ROBO2: variants seen among roughly 807,000 people sequenced by gnomAD.
The protein encoded by ROBO2 is roundabout guidance receptor 2, also known as roundabout homolog 2.
ROBO2 carries 53 observed loss-of-function variants against 160.8 expected under a neutral mutation model. The observed-to-expected ratio is 0.33, with a 90% CI of 0.26 to 0.41. The LOEUF (loss-of-function observed/expected upper bound fraction) is 0.41. Ranked by LOEUF, ROBO2 falls within the 10% of genes least tolerant of loss-of-function variation. The probability of loss-of-function intolerance (pLI) is 1.00; values close to 1 mark genes in which losing one functional copy is unlikely to be tolerated. For missense variants in ROBO2, 1,577 were observed against 1,722.4 expected (o/e 0.92, Z 1.49); for synonymous variants, 664 against 611.7 (o/e 1.09, Z -1.26).
At chr3:76,756,910 G>C (rs919841670) in intron 2 of ROBO2, among the ~76,000 whole-genome samples, 1 of 151,816 alleles carries the variant, frequency 6.6e-6, no homozygotes, top group African/African-American at 2.4e-5. Flanking sequence ...ACATTGAAAT[G>C]TGGAGAAAGA....
At chr3:77,329,154 T>G (rs2065740176) in intron 2 of ROBO2, among the ~76,000 whole-genome samples, 1 of 152,198 alleles carries the variant, frequency 6.6e-6, no homozygotes, top group Admixed American at 6.5e-5. Flanking sequence ...GATGTAGTCT[T>G]TCTTTTGTGG....
intron 2 of ROBO2, among the ~76,000 whole-genome samples, chr3:76,802,243 G>C (rs1162115185): frequency 6.6e-6 from 1 of 152,204 alleles, no homozygotes; most frequent in Non-Finnish European, 1.5e-5. Context: ...TATAAAAAAA[G>C]TGCAATATCT....
At chr3:76,140,179 C>G (rs551862712) in intron 2 of ROBO2, among the ~76,000 whole-genome samples, 4 of 152,096 alleles carry the variant, frequency 2.6e-5, no homozygotes, top group East Asian at 1.9e-4. Flanking sequence ...TTTGAAGAAC[C>G]TACATGAAAG....
At chr3:75,997,976 A>T (rs915962930) in intron 2 of ROBO2, among the ~76,000 whole-genome samples, 1 of 152,188 alleles carries the variant, frequency 6.6e-6, no homozygotes, top group African/African-American at 2.4e-5. Flanking sequence ...CCAAAGTCTT[A>T]TGACATCTAA....
chr3:76,183,244 A>G lies in ROBO2; in HGVS notation c.109+245642A>G, dbSNP rs369867200. On this transcript the variant is annotated intron_variant, in intron 2 of 26. Coordinates refer to the ROBO2 transcript ENST00000487694. Reference sequence around the variant, plus strand: ...ACATGGCAGCTCAGAGGTCCTGGAGACAGCAATTCAAGTAACCTAGCAGAA... The same window carrying G: ...ACATGGCAGCTCAGAGGTCCTGGAGGCAGCAATTCAAGTAACCTAGCAGAA... 8.5e-5 allele frequency among the ~76,000 whole-genome samples: 13 copies of G among 152,052 alleles called. No individual in the cohort carries two copies. In the East Asian group the frequency reaches 2.5e-3, roughly 30 times the overall value.
chr3:76,825,349 C>T (rs2066473362), intron 2 of ROBO2, among the ~76,000 whole-genome samples: 1 of 151,994 alleles, frequency 6.6e-6, no homozygotes, highest in Non-Finnish European at 1.5e-5. Flanking sequence ...AATAAGTTTC[C>T]TCATTTTAAA....
chr3:76,314,866 CAG>C (rs1273424814), intron 2 of ROBO2, among the ~76,000 whole-genome samples: 1 of 152,024 alleles, frequency 6.6e-6, no homozygotes, highest in Non-Finnish European at 1.5e-5. Flanking sequence ...TTGACTGGCA[CAG>C]GGGTCAGTGG....
At chr3:76,142,293 T>G (rs1259597342) in intron 2 of ROBO2, among the ~76,000 whole-genome samples, 1 of 152,020 alleles carries the variant, frequency 6.6e-6, no homozygotes, top group Non-Finnish European at 1.5e-5. Flanking sequence ...AGCTATCATA[T>G]GATCCAGCAA....
intron 2 of ROBO2, among the ~76,000 whole-genome samples, chr3:76,696,925 A>C (rs1370519577): frequency 6.6e-6 from 1 of 152,148 alleles, no homozygotes; most frequent in Non-Finnish European, 1.5e-5. Context: ...TTCTGTTTGC[A>C]TGTGGAAATC....
intron 2 of ROBO2, among the ~76,000 whole-genome samples, chr3:75,978,792 G>A (rs748392868): frequency 4.0e-5 from 6 of 151,494 alleles, no homozygotes; most frequent in Admixed American, 1.3e-4. Flanking sequence ...TCTCTTTAAA[G>A]TGAGGTTTTG....
chr3:76,650,483 T>C (rs971974942), intron 2 of ROBO2, among the ~76,000 whole-genome samples: 1 of 149,364 alleles, frequency 6.7e-6, no homozygotes, highest in Admixed American at 6.7e-5. Flanking sequence ...TTCTTTCTCT[T>C]TTTTTTTTTA....
chr3:77,253,729 T>C (rs1365733606), intron 2 of ROBO2, among the ~76,000 whole-genome samples: 1 of 152,168 alleles, frequency 6.6e-6, no homozygotes, highest in Non-Finnish European at 1.5e-5. Flanking sequence ...GTTCTAAATA[T>C]TTGGGTCATT....
intron 5 of ROBO2, among the ~76,000 whole-genome samples, chr3:77,493,851 TG>T (rs2086446264): frequency 6.6e-6 from 1 of 152,178 alleles, no homozygotes; most frequent in Non-Finnish European, 1.5e-5. Context: ...AGCATAACAC[TG>T]AAATGGTAGC....
At chr3:77,400,174 T>G (rs575133726) in intron 2 of ROBO2, among the ~76,000 whole-genome samples, 4 of 152,292 alleles carry the variant, frequency 2.6e-5, no homozygotes, top group African/African-American at 9.6e-5. Flanking sequence ...TTTTCCTTAT[T>G]TCTGGCCCAG....
chr3:76,930,126 C>T (rs1003123261), intron 2 of ROBO2, among the ~76,000 whole-genome samples: 3 of 152,156 alleles, frequency 2.0e-5, no homozygotes, highest in Middle Eastern at 3.4e-3. Flanking sequence ...TAGGTTCAAG[C>T]GATTCTCATG....
At chr3:77,512,106 C>T (rs948850994) in intron 5 of ROBO2, among the ~76,000 whole-genome samples, 65 of 151,968 alleles carry the variant, frequency 4.3e-4, no homozygotes, top group Middle Eastern at 3.4e-3. Flanking sequence ...TCAGTCTGTA[C>T]CAACAAAATA....
chr3:76,099,820 A>G (rs2069607521), intron 2 of ROBO2, among the ~76,000 whole-genome samples: 1 of 152,194 alleles, frequency 6.6e-6, no homozygotes, highest in Non-Finnish European at 1.5e-5. Flanking sequence ...AGGACTCTTC[A>G]GGCTGGCTAA....
chr3:76,399,984 T>C (rs1170860037), intron 2 of ROBO2, among the ~76,000 whole-genome samples: 1 of 151,650 alleles, frequency 6.6e-6, no homozygotes, highest in Non-Finnish European at 1.5e-5. Context: ...GTGTGAGAAA[T>C]AGATGAATGG....
chr3:77,411,808 G>T (rs1418719581), intron 2 of ROBO2, among the ~76,000 whole-genome samples: 1 of 152,090 alleles, frequency 6.6e-6, no homozygotes, highest in African/African-American at 2.4e-5. Flanking sequence ...AAGGAGACAG[G>T]TATGAGCATG....
Sources: gnomAD v4.1 joint callset for allele counts (sites outside exome capture counted in the v4.1 genomes callset) on GRCh38, gnomAD v4.1.1 for gene constraint, MANE v1.5 for transcripts, NCBI Gene and HGNC (gene_info 2026-07-23, HGNC 2026-07-21) for gene names.